Variants in KCNH8 observed in about 807,000 individuals in gnomAD.
KCNH8 encodes potassium voltage-gated channel subfamily H member 8, also known as voltage-gated delayed rectifier potassium channel KCNH8.
A neutral mutation model predicts 103.6 loss-of-function variants in KCNH8; 70 were observed. The observed-to-expected ratio is 0.68, with a 90% CI of 0.56 to 0.82. KCNH8 has a LOEUF of 0.82. Ranked by LOEUF, KCNH8 falls within the 40% of genes least tolerant of loss-of-function variation. The probability of loss-of-function intolerance (pLI) is 0.00; values close to 1 mark genes in which losing one functional copy is unlikely to be tolerated. For synonymous variants in KCNH8, 498 were observed against 489.4 expected (o/e 1.02, Z -0.23); for missense variants, 1,217 against 1,329.9 (o/e 0.92, Z 1.32).
At chr3:19,394,125 C>T (rs2066478832) in intron 6 of KCNH8, among the ~76,000 whole-genome samples, 1 of 151,936 alleles carries the variant, frequency 6.6e-6, no homozygotes, top group Admixed American at 6.6e-5. Flanking sequence ...TAGTTAAAGC[C>T]ATAAAGTTAC....
At chr3:19,225,021 G>C (rs1049214234) in intron 1 of KCNH8, among the ~76,000 whole-genome samples, 1 of 152,030 alleles carries the variant, frequency 6.6e-6, no homozygotes, top group Non-Finnish European at 1.5e-5. Context: ...AAAGAAAAAG[G>C]ATATGAATGG....
At chr3:19,509,158 A>C (rs777806069) in intron 11 of KCNH8, among the ~76,000 whole-genome samples, 8 of 152,232 alleles carry the variant, frequency 5.3e-5, no homozygotes, top group Non-Finnish European at 8.8e-5. Flanking sequence ...CATCTGGTTA[A>C]GGCATATTAA....
intron 2 of KCNH8, among the ~76,000 whole-genome samples, chr3:19,280,058 A>ATCATCATT (rs1320335166): frequency 4.3e-4 from 66 of 152,258 alleles, no homozygotes; most frequent in African/African-American, 1.5e-3. Flanking sequence ...CAACAACTTT[A>ATCATCATT]TCATCATTTT....
intron 11 of KCNH8, among the ~76,000 whole-genome samples, chr3:19,499,396 T>C (rs1575145121): frequency 6.6e-6 from 1 of 152,132 alleles, no homozygotes; most frequent in East Asian, 1.9e-4. Flanking sequence ...ACTTCCCCAA[T>C]CTAGCAAGGC....
intron 1 of KCNH8, 111 bp from the exon 2 acceptor site, chr3:19,253,543 T>C (rs1181030399): frequency 1.2e-6 from 1 of 819,342 alleles, no homozygotes; most frequent in Non-Finnish European, 2.0e-6. Context: ...CACATCAGAA[T>C]GTGCCTTTTG....
chr3:19,388,202 T>C (rs927785038), intron 5 of KCNH8, among the ~76,000 whole-genome samples: 1 of 152,136 alleles, frequency 6.6e-6, no homozygotes, highest in Non-Finnish European at 1.5e-5. Flanking sequence ...TTAGCCTATA[T>C]TGCGGAAACC....
In KCNH8 at chr3:19,155,588, A is replaced by C. The variant is rs752086756; in HGVS notation, c.76+6793A>C. ...GTCCTTGGCATCATCTGACCCCAAG[A>C]TGATTCTGCAGAATCTTTTCCAACC... On this transcript the variant is annotated intron_variant, in intron 1 of 15. Transcript: ENST00000328405. Among the ~76,000 whole-genome samples, 227 of 152,334 alleles carry C rather than the reference A, an allele frequency of 1.5e-3. 1 individual carries two copies. The highest frequency in any genetic ancestry group is 2.7e-3 in the Non-Finnish European group (184 of 68,032).
chr3:19,445,460 A>G (rs1177441417), intron 8 of KCNH8, among the ~76,000 whole-genome samples: 1 of 151,892 alleles, frequency 6.6e-6, no homozygotes, highest in African/African-American at 2.4e-5. Context: ...ACATTTAGCA[A>G]ATGTGTAACT....
chr3:19,439,865 T>C (rs2125172933), intron 8 of KCNH8, among the ~76,000 whole-genome samples: 1 of 150,898 alleles, frequency 6.6e-6, no homozygotes, highest in Non-Finnish European at 1.5e-5. Flanking sequence ...GCAAAGAATA[T>C]AATGAGTCAT....
At chr3:19,516,404 G>A (rs2068875256) in intron 14 of KCNH8, among the ~76,000 whole-genome samples, 1 of 152,060 alleles carries the variant, frequency 6.6e-6, no homozygotes, top group Non-Finnish European at 1.5e-5. Flanking sequence ...TTGGGAGTGT[G>A]AAGTGAGGAA....
chr3:19,386,607 T>G (rs932391493), intron 5 of KCNH8, among the ~76,000 whole-genome samples: 2 of 152,118 alleles, frequency 1.3e-5, no homozygotes, highest in African/African-American at 4.8e-5. Flanking sequence ...ATGTGTGTGT[T>G]TTGTACTTAT....
chr3:19,532,511 A>G (rs1053708767), intron 15 of KCNH8, among the ~76,000 whole-genome samples: 6 of 152,182 alleles, frequency 3.9e-5, no homozygotes, highest in Non-Finnish European at 8.8e-5. Context: ...CTGGCCTATA[A>G]TAAGCATAGG....
chr3:19,503,875 A>C (rs938649279), intron 11 of KCNH8, among the ~76,000 whole-genome samples: 7 of 152,084 alleles, frequency 4.6e-5, no homozygotes, highest in African/African-American at 1.4e-4. Context: ...ACACGTATAC[A>C]TATGTAACTA....
In KCNH8 at chr3:19,183,757, T is replaced by C. The variant is rs1217706895; in HGVS notation, c.76+34962T>C. The stretch of plus-strand genomic sequence containing the variant: ...AAGGCATACAGAATTTTAAAAGAAC[T>C]TGTGGTTAGTCTAAAAGAGAAATGG... On this transcript the variant is annotated intron_variant, in intron 1 of 15. Coordinates refer to ENST00000328405, the MANE Select transcript of KCNH8 (RefSeq NM_144633.3). Among the ~76,000 whole-genome samples the C allele has an allele frequency of 2.0e-5, 3 of 152,060 alleles. No homozygotes were observed. In the East Asian group the frequency reaches 5.8e-4, roughly 29 times the overall value.
At chr3:19,472,237 TG>T (rs2067876052) in intron 11 of KCNH8, among the ~76,000 whole-genome samples, 1 of 141,774 alleles carries the variant, frequency 7.1e-6, no homozygotes, top group African/African-American at 2.8e-5. Flanking sequence ...TGTGTGTGTG[TG>T]TGTGTGTGTT....
At chr3:19,321,690 A>T (rs1034283235) in intron 3 of KCNH8, among the ~76,000 whole-genome samples, 2 of 150,682 alleles carry the variant, frequency 1.3e-5, no homozygotes, top group African/African-American at 5.0e-5. Context: ...ATAACTGTTA[A>T]GTCTATTTGT....
intron 14 of KCNH8, among the ~76,000 whole-genome samples, chr3:19,517,008 C>T (rs2068886055): frequency 6.6e-6 from 1 of 151,940 alleles, no homozygotes; most frequent in Non-Finnish European, 1.5e-5. Context: ...GATGGGATCT[C>T]CCTATGTTGC....
intron 11 of KCNH8, among the ~76,000 whole-genome samples, chr3:19,496,646 A>G (rs2068447508): frequency 6.6e-6 from 1 of 152,054 alleles, no homozygotes; most frequent in Non-Finnish European, 1.5e-5. Context: ...ATTGACCTGA[A>G]GTTTTCTTTT....
intron 5 of KCNH8, among the ~76,000 whole-genome samples, chr3:19,371,379 C>T (rs1191468186): frequency 3.3e-5 from 5 of 151,998 alleles, no homozygotes; most frequent in Non-Finnish European, 7.4e-5. Flanking sequence ...AGCATTTTTT[C>T]ATGTGTTTTT....
Sources: allele counts gnomAD v4.1 joint callset (sites outside exome capture counted in the v4.1 genomes callset), GRCh38; gene constraint gnomAD v4.1.1; transcripts MANE v1.5; gene names NCBI Gene and HGNC (gene_info 2026-07-23, HGNC 2026-07-21).